Variants in CD99L2 observed in about 807,000 individuals in gnomAD.
CD99L2 encodes the protein CD99 molecule like 2.
CD99L2 carries 24 observed loss-of-function variants against 27.3 expected under a neutral mutation model. That is an observed-to-expected ratio of 0.88 (90% CI 0.64 to 1.24). CD99L2 has a LOEUF of 1.24. CD99L2 is among the 50% of genes most tolerant of loss of function. CD99L2 has a pLI of 0.00. For synonymous variants in CD99L2, 97 were observed against 87.9 expected (o/e 1.10, Z -0.58); for missense variants, 255 against 221.6 (o/e 1.15, Z -0.96).
intron 7 of CD99L2, among the ~76,000 whole-genome samples, chrX:150,791,109 C>T (rs145054674): frequency 9.8e-5 from 11 of 111,996 alleles, no homozygotes; most frequent in African/African-American, 3.6e-4. Flanking sequence ...GATACTGTAT[C>T]TATCCATGAC....
At position 150,806,643 on chromosome X, in the gene CD99L2, C is replaced by G. The variant is rs1387981143; in HGVS notation, c.277+8219G>C. 2.7e-5 allele frequency among the ~76,000 whole-genome samples: 3 copies of G among 111,983 alleles called. No homozygotes were observed. The Admixed American group carries it at 2.8e-4, about 11-fold the overall frequency. Reference sequence around the variant, plus strand: ...TGAAGGCTCAAGCCTGTAATCCCAGCACTTTGGGAGGCCGAGGTGGGCAGA... The same window carrying G: ...TGAAGGCTCAAGCCTGTAATCCCAGGACTTTGGGAGGCCGAGGTGGGCAGA... On this transcript the variant is annotated intron_variant, in intron 4 of 10. Coordinates refer to ENST00000370377, the MANE Select transcript of CD99L2 (RefSeq NM_031462.4).
intron 1 of CD99L2, among the ~76,000 whole-genome samples, chrX:150,838,770 G>T (rs992166909): frequency 2.2e-4 from 24 of 108,100 alleles, no homozygotes; most frequent in Non-Finnish European, 4.6e-4. Context: ...GCCTAGGCTG[G>T]TCTCCAACTC....
rs146438753 is a variant in CD99L2, at chrX:150,815,211, G to A, written c.203-275C>T. ...GTATTTTCTGCTTAGGCTAGCAGTC[G>A]GACCATTTTAACAGTATACTCACTG... On this transcript the variant is annotated intron_variant, in intron 3 of 10. Transcript: ENST00000370377. Among the ~76,000 whole-genome samples, 579 of 111,582 alleles carry A rather than the reference G, an allele frequency of 5.2e-3. 7 individuals carry two copies. The highest frequency in any genetic ancestry group is 0.014 in the Middle Eastern group (3 of 216).
chrX:150,777,305 T>G (rs1248813190), intron 8 of CD99L2, 139 bp downstream of exon 8: 1 of 710,184 alleles, frequency 1.4e-6, no homozygotes, highest in East Asian at 3.5e-5. Context: ...GCAGCTATCT[T>G]ATTTAGGAGT....
chrX:150,883,348 C>T (rs1022034828), intron 1 of CD99L2, among the ~76,000 whole-genome samples: 2 of 111,820 alleles, frequency 1.8e-5, no homozygotes, highest in Non-Finnish European at 3.8e-5. Context: ...TTTTGACAAT[C>T]TTCCAAGGCA....
chrX:150,855,483 G>A (rs1557421711), intron 1 of CD99L2, among the ~76,000 whole-genome samples: 1 of 111,187 alleles, frequency 9.0e-6, no homozygotes, highest in Non-Finnish European at 1.9e-5. Flanking sequence ...AGACTGTGAG[G>A]GGGGAAGTGC....
chrX:150,806,748 G>A (rs1331178952), intron 4 of CD99L2, among the ~76,000 whole-genome samples: 8 of 110,670 alleles, frequency 7.2e-5, no homozygotes, highest in Non-Finnish European at 1.1e-4. Flanking sequence ...AAAATTAGCC[G>A]GGCGTGGTGG....
rs1187083636 is a variant in CD99L2 at position 150,824,206 on chromosome X, G to A, written c.130+7025C>T. Among the ~76,000 whole-genome samples, 141 of 69,001 alleles carry A rather than the reference G, an allele frequency of 2.0e-3. 1 individual carries two copies. The highest frequency in any genetic ancestry group is 3.5e-3 in the East Asian group (7 of 2,009). The allele number at this position is 69,001 out of a possible 115,157, so 59.9% of individuals were successfully genotyped here. ...AGGAGGAGGAAGAAGAAGAGGAGGA[G>A]GAAGAGGAGGAGGAAGAGGAAGAAG... On this transcript the variant is annotated intron_variant, in intron 2 of 10. Coordinates refer to ENST00000370377, the MANE Select transcript of CD99L2 (RefSeq NM_031462.4).
At chrX:150,831,399 A>C in intron 1 of CD99L2, 106 bp from the exon 2 acceptor site, 1 of 653,923 alleles carries the variant, frequency 1.5e-6, no homozygotes, top group African/African-American at 2.2e-5. Context: ...GGAATAACAA[A>C]AGGTATTCCA....
intron 1 of CD99L2, among the ~76,000 whole-genome samples, chrX:150,885,380 A>C (rs991918770): frequency 9.3e-6 from 1 of 107,785 alleles, no homozygotes; most frequent in Non-Finnish European, 1.9e-5. Context: ...ACAACAACAA[A>C]AAAACAACAA....
In CD99L2 at chrX:150,821,916, C is replaced by T. The variant is rs193143832; in HGVS notation, c.131-5838G>A. 2.7e-5 allele frequency among the ~76,000 whole-genome samples: 3 copies of T among 111,920 alleles called. No individual in the cohort carries two copies. In the Admixed American group the frequency reaches 2.8e-4, roughly 11 times the overall value. On this transcript the variant is annotated intron_variant, in intron 2 of 10. Coordinates refer to ENST00000370377, the MANE Select transcript of CD99L2 (RefSeq NM_031462.4). ...GATAAATTGGAACCCTCATACATTA[C>T]TGATGGGAATGTAAAATGCTTCAGC...
At chrX:150,885,609 A>G (rs1188085391) in intron 1 of CD99L2, among the ~76,000 whole-genome samples, 1 of 111,997 alleles carries the variant, frequency 8.9e-6, no homozygotes, top group Non-Finnish European at 1.9e-5. Context: ...CACATTTCCC[A>G]CGTTTACTAC....
intron 4 of CD99L2, among the ~76,000 whole-genome samples, chrX:150,808,952 G>A (rs1373978288): frequency 9.0e-6 from 1 of 111,084 alleles, no homozygotes; most frequent in Non-Finnish European, 1.9e-5. Flanking sequence ...AAGGAGATAT[G>A]ATGATGGAAG....
At chrX:150,830,271 C>T (rs1283117727) in intron 2 of CD99L2, among the ~76,000 whole-genome samples, 1 of 111,284 alleles carries the variant, frequency 9.0e-6, no homozygotes, top group African/African-American at 3.3e-5. Context: ...AAAGCCATGA[C>T]TAGGTGTGGT....
intron 10 of CD99L2, among the ~76,000 whole-genome samples, chrX:150,769,687 AGGCCTCGGCT>A: frequency 1.2e-5 from 1 of 84,958 alleles, no homozygotes; most frequent in African/African-American, 8.6e-5. Context: ...CTGCGCCACC[AGGCCTCGGCT>A]GCTCCCCGAC....
rs368100797 is a variant in CD99L2 at position 150,818,201 on chromosome X, G to GATATATATATAT, written c.131-2135_131-2124dup. 1.4e-3 allele frequency among the ~76,000 whole-genome samples: 118 copies of GATATATATATAT among 86,247 alleles called. 2 individuals are homozygous for GATATATATATAT. The highest frequency in any genetic ancestry group is 3.3e-3 in the African/African-American group (75 of 22,816). 74.9% of individuals were successfully genotyped at this position (86,247 alleles called of 115,157 possible). ...CAATCACAGAAGAAACAAGTAGGCA[G>GATATATATATAT]ATATATATATATATATATATATGAC... On this transcript the variant is annotated intron_variant, in intron 2 of 10. Coordinates refer to ENST00000370377, the MANE Select transcript of CD99L2 (RefSeq NM_031462.4).
chrX:150,841,153 T>C (rs1039663751), intron 1 of CD99L2, among the ~76,000 whole-genome samples: 1 of 112,071 alleles, frequency 8.9e-6, no homozygotes, highest in East Asian at 2.8e-4. Context: ...TCAGCAAAGA[T>C]GACTGGTGAA....
chrX:150,824,644 A>AGAAGAAGAAGAAGAAGAAGAG (rs2046337090), intron 2 of CD99L2, among the ~76,000 whole-genome samples: 3 of 76,767 alleles, frequency 3.9e-5, no homozygotes, highest in African/African-American at 6.6e-5. Flanking sequence ...AAGGAGGAGA[A>AGAAGAAGAAGAAGAAGAAGAG]GAAGAAGAAG....
intron 1 of CD99L2, among the ~76,000 whole-genome samples, chrX:150,895,245 G>GTCT (rs1183873994): frequency 9.0e-6 from 1 of 111,427 alleles, no homozygotes; most frequent in Non-Finnish European, 1.9e-5. Context: ...ATCACTGACA[G>GTCT]TCTTCTCCTT....
Sources: allele counts gnomAD v4.1 joint callset (sites outside exome capture counted in the v4.1 genomes callset), GRCh38; gene constraint gnomAD v4.1.1; transcripts MANE v1.5; gene names NCBI Gene and HGNC (gene_info 2026-07-23, HGNC 2026-07-21).